The following NTSR1 variants were observed in gnomAD, a reference collection of about 807,000 sequenced individuals.
The protein encoded by NTSR1 is neurotensin receptor type 1.
NTSR1 carries 29 observed loss-of-function variants against 31.2 expected under a neutral mutation model. The observed-to-expected ratio is 0.93, with a 90% CI of 0.69 to 1.27. The LOEUF (loss-of-function observed/expected upper bound fraction) is 1.27, where lower values mean the gene tolerates loss of function less well. Ranked by LOEUF, NTSR1 falls within the 50% of genes most tolerant of loss-of-function variation. The pLI, the probability that NTSR1 is intolerant of heterozygous loss-of-function variation, is 0.00. For missense variants in NTSR1, 697 were observed against 595.4 expected (o/e 1.17, Z -1.78); for synonymous variants, 282 against 269.9 (o/e 1.04, Z -0.44).
Position 62,760,080 on chromosome 20 carries a change from C to A in NTSR1, c.1070C>A (p.Ser357Tyr), listed in dbSNP as rs775620006. The A allele has an allele frequency of 1.2e-6, 2 of 1,614,008 alleles. No homozygotes were observed. Among genetic ancestry groups the A allele is most frequent in the South Asian group, 2.2e-5 (2 of 91,094 alleles). The change falls in exon 4 of 4, where the codon TCC (serine) becomes TAC (tyrosine). Residue 357 changes from serine to tyrosine, a missense_variant. Ser to Tyr is a moderately radical substitution (Grantham distance 144). Coordinates refer to ENST00000370501, the MANE Select transcript of NTSR1 (RefSeq NM_002531.3). Reference protein sequence around the residue: ...MVTNALFYVSSTINPILYNLV... With the variant: ...MVTNALFYVSYTINPILYNLV... ...ACCAACGCACTCTTCTACGTCAGCT[C>A]CACCATCAACCCCATCCTGTACAAC...
intron 1 of NTSR1, among the ~76,000 whole-genome samples, chr20:62,716,123 T>G (rs1988712464): frequency 6.6e-6 from 1 of 152,210 alleles, no homozygotes; most frequent in Non-Finnish European, 1.5e-5. Flanking sequence ...CACATTGCTG[T>G]GCAACCGTCG....
rs367764428 is a variant in NTSR1, at chr20:62,758,313, C to T, written c.964C>T (p.Arg322Trp). The T allele has an allele frequency of 3.7e-5, 59 of 1,613,622 alleles. No individual in the cohort carries two copies. Among genetic ancestry groups the T allele is most frequent in the Admixed American group, 2.0e-4 (12 of 59,998 alleles). ...GGTCTGCTGGCTGCCCTACCACGTG[C>T]GGCGCCTCATGTTCTGCTACATCTC... is the stretch of plus-strand genomic sequence containing the variant. ...FVVCWLPYHVRRLMFCYISDE... is the reference protein window; with the variant it reads ...FVVCWLPYHVWRLMFCYISDE... Residue 322 changes from arginine to tryptophan, a missense_variant, in exon 3 of 4, where the codon CGG becomes TGG. Physicochemically the swap from Arg to Trp is moderately radical, Grantham distance 101 (BLOSUM62 -3). Coordinates refer to ENST00000370501, the MANE Select transcript of NTSR1 (RefSeq NM_002531.3). The surrounding 1 kb of genome is among the most constrained non-coding windows in gnomAD (Gnocchi z 4.5).
rs899108618 is a variant in NTSR1, at chr20:62,711,789, C to G, written c.714+1868C>G. Among the ~76,000 whole-genome samples, 1 of 152,202 alleles carries G rather than the reference C, an allele frequency of 6.6e-6. No individual in the cohort carries two copies. The highest frequency in any genetic ancestry group is 2.4e-5 in the African/African-American group (1 of 41,446). On this transcript the variant is annotated intron_variant, in intron 1 of 3. Transcript: ENST00000370501. This position sits in a 1 kb window ranked among gnomAD's most constrained non-coding sequence, Gnocchi z 6.4. ...TTGGGATTGGGCACCTGGGGGACATCACTTTGCCTCCCAAAGCACCACCTG... is the reference window on the plus strand; with the variant it reads ...TTGGGATTGGGCACCTGGGGGACATGACTTTGCCTCCCAAAGCACCACCTG...
chr20:62,762,038 CAT>C lies in NTSR1; in HGVS notation c.*1773_*1774del, dbSNP rs912752480. ...TTCCTCCCCCACAGAGCCCCCATGA[CAT>C]AGTCTGCTCTGGGCGGAAGAGCTTT... On this transcript the variant is annotated 3_prime_UTR_variant, in exon 4 of 4. Transcript: ENST00000370501. The C allele has an allele frequency of 1.3e-5, 2 of 152,348 alleles. No homozygotes were observed. The highest frequency in any genetic ancestry group is 2.9e-5 in the Non-Finnish European group (2 of 68,152). 9.4% of individuals were successfully genotyped at this position (152,348 alleles called of 1,614,324 possible).
intron 1 of NTSR1, among the ~76,000 whole-genome samples, chr20:62,728,699 G>A (rs775792036): frequency 4.6e-5 from 7 of 152,148 alleles, no homozygotes; most frequent in Non-Finnish European, 7.3e-5. Flanking sequence ...AGGAAACTGA[G>A]TCGCGAAGGG....
In NTSR1 at chr20:62,709,293, C is replaced by G. The variant is rs781334373; in HGVS notation, c.86C>G (p.Ala29Gly). 2 of 1,591,672 alleles carry G rather than the reference C, an allele frequency of 1.3e-6. No homozygotes were observed. The highest frequency in any genetic ancestry group is 1.3e-5 in the African/African-American group (1 of 74,430). The change falls in exon 1 of 4, where the codon GCG becomes GGG. Residue 29 changes from alanine (A) to glycine (G), a missense_variant. Transcript: ENST00000370501. ...FQRAQAGLEEALLAPGFGNAS... is the reference protein window; with the variant it reads ...FQRAQAGLEEGLLAPGFGNAS... ...CGGGCGCAGGCCGGACTGGAGGAGG[C>G]GCTGCTGGCCCCGGGCTTCGGCAAC...
At position 62,741,935 on chromosome 20, in the gene NTSR1, C is replaced by G. The variant is rs1241179156; in HGVS notation, c.715-12750C>G. On this transcript the variant is annotated intron_variant, in intron 1 of 3. Transcript: ENST00000370501. This position sits in a 1 kb window ranked among gnomAD's most constrained non-coding sequence, Gnocchi z 4.3. ...AACTGTGCCTGGGTTTCTTTATCTACAAAAGGAGCCTGACAGGAGCCTCTG... is the reference window on the plus strand; with the variant it reads ...AACTGTGCCTGGGTTTCTTTATCTAGAAAAGGAGCCTGACAGGAGCCTCTG... Among the ~76,000 whole-genome samples the G allele has an allele frequency of 6.7e-6, 1 of 149,334 alleles. No individual in the cohort carries two copies. The highest frequency in any genetic ancestry group is 1.5e-5 in the Non-Finnish European group (1 of 68,020).
chr20:62,758,340 G>T lies in NTSR1; in HGVS notation c.991G>T (p.Asp331Tyr). The part of the protein sequence containing the change: ...VRRLMFCYIS[D>Y]EQWTPFLYDF... ...GCGCCTCATGTTCTGCTACATCTCG[G>T]ATGAGCAGTGGACTCCGTGAGTACC... The change falls in exon 3 of 4, where the codon GAT (aspartate) becomes TAT (tyrosine). Residue 331 changes from aspartate to tyrosine, a missense_variant. Asp to Tyr is a radical substitution (Grantham distance 160, BLOSUM62 -3). Coordinates refer to ENST00000370501, the MANE Select transcript of NTSR1 (RefSeq NM_002531.3). The surrounding 1 kb of genome is among the most constrained non-coding windows in gnomAD (Gnocchi z 4.5). The T allele has an allele frequency of 1.2e-6, 2 of 1,613,608 alleles. No individual in the cohort carries two copies. The highest frequency in any genetic ancestry group is 1.7e-6 in the Non-Finnish European group (2 of 1,179,828).
At chr20:62,738,197 C>T (rs1161006044) in intron 1 of NTSR1, among the ~76,000 whole-genome samples, 5 of 152,066 alleles carry the variant, frequency 3.3e-5, no homozygotes, top group African/African-American at 7.3e-5. Context: ...GCTAGATGGC[C>T]GGCCTGGATG....
At chr20:62,759,907 A>T in intron 3 of NTSR1, 111 bp from the exon 4 acceptor site, 2 of 1,037,402 alleles carry the variant, frequency 1.9e-6, no homozygotes, top group Non-Finnish European at 2.9e-6. Context: ...GGGGTGTTTT[A>T]ATTAGCGTCT....
intron 1 of NTSR1, among the ~76,000 whole-genome samples, chr20:62,749,238 G>A (rs911021802): frequency 1.3e-5 from 2 of 152,098 alleles, no homozygotes; most frequent in East Asian, 3.9e-4. Context: ...TCAGGAGATC[G>A]AGACCATCCT....
chr20:62,728,921 G>A (rs925786342), intron 1 of NTSR1, among the ~76,000 whole-genome samples: 1 of 152,160 alleles, frequency 6.6e-6, no homozygotes, highest in Non-Finnish European at 1.5e-5. Context: ...TTTTCTGAAG[G>A]AAGCCGGAGA....
chr20:62,730,111 G>A (rs1409045734), intron 1 of NTSR1, among the ~76,000 whole-genome samples: 1 of 152,088 alleles, frequency 6.6e-6, no homozygotes, highest in Non-Finnish European at 1.5e-5. Flanking sequence ...ACATTATTAA[G>A]GAAAGTCTGC....
At chr20:62,717,080 G>A (rs751432423) in intron 1 of NTSR1, among the ~76,000 whole-genome samples, 7 of 152,258 alleles carry the variant, frequency 4.6e-5, no homozygotes, top group Non-Finnish European at 7.3e-5. Context: ...CTGAGGCCCA[G>A]AGCGGGGCAA....
chr20:62,762,732 G>A lies in NTSR1; in HGVS notation c.*2465G>A, dbSNP rs1989648993. 6.6e-6 allele frequency: 1 copy of A among 152,184 alleles called. No homozygotes were observed. Among genetic ancestry groups the A allele is most frequent in the Non-Finnish European group, 1.5e-5 (1 of 68,036 alleles). 9.4% of individuals were successfully genotyped at this position (152,184 alleles called of 1,614,324 possible). On this transcript the variant is annotated 3_prime_UTR_variant, in exon 4 of 4. Transcript: ENST00000370501. ...TGCAGGTGGTGAAAACAAACCCCGTGTATCTCTCAATAAAGGTGGCCGAAG... is the reference window on the plus strand; with the variant it reads ...TGCAGGTGGTGAAAACAAACCCCGTATATCTCTCAATAAAGGTGGCCGAAG...
intron 1 of NTSR1, among the ~76,000 whole-genome samples, chr20:62,736,649 C>T (rs1600727405): frequency 6.6e-6 from 1 of 152,226 alleles, no homozygotes; most frequent in Non-Finnish European, 1.5e-5. Context: ...CAACCTGGAC[C>T]CTCAGCATAG....
chr20:62,743,900 C>T lies in NTSR1; in HGVS notation c.715-10785C>T, dbSNP rs2147143753. Among the ~76,000 whole-genome samples the T allele has an allele frequency of 6.6e-6, 1 of 152,314 alleles. No individual in the cohort carries two copies. The highest frequency in any genetic ancestry group is 2.4e-5 in the African/African-American group (1 of 41,574). ...CTCCTGCTGTCTGGCTGTGCCCTCA[C>T]CTGTGGGCAGGCATACCGTGTGCAC... On this transcript the variant is annotated intron_variant, in intron 1 of 3. Coordinates refer to ENST00000370501, the MANE Select transcript of NTSR1 (RefSeq NM_002531.3). This position sits in a 1 kb window ranked among gnomAD's most constrained non-coding sequence, Gnocchi z 7.5.
rs1051513189 is a variant in NTSR1 at position 62,715,806 on chromosome 20, G to A, written c.714+5885G>A. ...CACAAGCCACCCCACAGGTGAGGCAGGCCTCAGGCAGCAGCCCAGGGATCT... is the reference window on the plus strand; with the variant it reads ...CACAAGCCACCCCACAGGTGAGGCAAGCCTCAGGCAGCAGCCCAGGGATCT... On this transcript the variant is annotated intron_variant, in intron 1 of 3. Transcript: ENST00000370501. This position sits in a 1 kb window ranked among gnomAD's most constrained non-coding sequence, Gnocchi z 4.7. 6.6e-6 allele frequency among the ~76,000 whole-genome samples: 1 copy of A among 152,210 alleles called. No individual in the cohort carries two copies. The highest frequency in any genetic ancestry group is 1.5e-5 in the Non-Finnish European group (1 of 68,034).
intron 1 of NTSR1, among the ~76,000 whole-genome samples, chr20:62,749,489 A>G (rs1344817344): frequency 2.0e-5 from 3 of 152,224 alleles, no homozygotes; most frequent in Non-Finnish European, 4.4e-5. Flanking sequence ...TGATTTTTTT[A>G]TGACAGCAAA....
Sources: allele counts gnomAD v4.1 joint callset (sites outside exome capture counted in the v4.1 genomes callset), GRCh38; gene constraint gnomAD v4.1.1; non-coding constraint Gnocchi (gnomAD v3.1); transcripts MANE v1.5; gene names NCBI Gene and HGNC (gene_info 2026-07-23, HGNC 2026-07-21).